AMOTL1: variants seen among roughly 807,000 people sequenced by gnomAD.
AMOTL1 encodes angiomotin like 1.
AMOTL1 carries 45 observed loss-of-function variants against 102.9 expected under a neutral mutation model. The observed-to-expected ratio is 0.44, with a 90% CI of 0.34 to 0.56. The LOEUF (loss-of-function observed/expected upper bound fraction) is 0.56. Ranked by LOEUF, AMOTL1 falls within the 20% of genes least tolerant of loss-of-function variation. The probability of loss-of-function intolerance (pLI) is 0.01; values close to 1 mark genes in which losing one functional copy is unlikely to be tolerated. For synonymous variants in AMOTL1, 481 were observed against 484.7 expected, an observed-to-expected ratio of 0.99 and a Z score of 0.10; for missense variants, 1,114 against 1,225.6, an observed-to-expected ratio of 0.91 and a Z score of 1.36.
intron 1 of AMOTL1, among the ~76,000 whole-genome samples, chr11:94,781,882 T>C (rs528724865): frequency 7.9e-5 from 12 of 152,090 alleles, no homozygotes; most frequent in Admixed American, 7.9e-4. Flanking sequence ...ATAATAATGC[T>C]AAGACATACT....
chr11:94,780,447 A>G (rs1296058986), intron 1 of AMOTL1, among the ~76,000 whole-genome samples: 1 of 152,192 alleles, frequency 6.6e-6, no homozygotes, highest in Non-Finnish European at 1.5e-5. Flanking sequence ...CCTCATCCCA[A>G]ATTCTTGGAA....
chr11:94,708,853 T>G (rs4753612), intron 1 of AMOTL1, among the ~76,000 whole-genome samples: 1 of 151,808 alleles, frequency 6.6e-6, no homozygotes, highest in Non-Finnish European at 1.5e-5. Context: ...GTACTACCAA[T>G]TGAGTACAGG....
At chr11:94,862,694 A>G (rs1952798725) in intron 9 of AMOTL1, among the ~76,000 whole-genome samples, 1 of 152,244 alleles carries the variant, frequency 6.6e-6, no homozygotes. Context: ...TTACTTGGCA[A>G]TGTAAACATG....
chr11:94,790,435 G>A (rs990497050), intron 1 of AMOTL1, among the ~76,000 whole-genome samples: 1 of 152,184 alleles, frequency 6.6e-6, no homozygotes, highest in Admixed American at 6.5e-5. Flanking sequence ...CAGGGCATGG[G>A]GGATGGTGTT....
intron 4 of AMOTL1, among the ~76,000 whole-genome samples, chr11:94,828,748 A>G (rs1293210249): frequency 6.6e-6 from 1 of 152,120 alleles, no homozygotes; most frequent in Non-Finnish European, 1.5e-5. Context: ...GGACTTTCTG[A>G]TCTGGGCAGT....
Position 94,756,067 on chromosome 11 carries a change from C to T in AMOTL1, c.136+15079C>T, listed in dbSNP as rs1950719925. The stretch of plus-strand genomic sequence containing the variant: ...AATGTGACCTTCCGCTGGAGTCAGG[C>T]TGCTCAGCAGCCAGACTCTCCTCTG... On this transcript the variant is annotated intron_variant, in intron 3 of 4. Transcript: ENST00000299004. 2.6e-5 allele frequency among the ~76,000 whole-genome samples: 4 copies of T among 151,930 alleles called. No individual in the cohort carries two copies. In the South Asian group the frequency reaches 8.3e-4, roughly 32 times the overall value.
intron 1 of AMOTL1, among the ~76,000 whole-genome samples, chr11:94,777,065 A>G (rs1375525537): frequency 6.6e-6 from 1 of 152,244 alleles, no homozygotes; most frequent in Non-Finnish European, 1.5e-5. Context: ...GCTTCTTGAA[A>G]AGAGAAATGG....
At chr11:94,735,101 G>A (rs1950418679) in intron 2 of AMOTL1, among the ~76,000 whole-genome samples, 1 of 152,170 alleles carries the variant, frequency 6.6e-6, no homozygotes, top group Admixed American at 6.5e-5. Flanking sequence ...TAACCCCTGG[G>A]GGCCCCTTGA....
chr11:94,848,108 A>G (rs1952455653), intron 6 of AMOTL1, among the ~76,000 whole-genome samples: 1 of 152,154 alleles, frequency 6.6e-6, no homozygotes, highest in Non-Finnish European at 1.5e-5. Flanking sequence ...GTCCAAACCT[A>G]GGGTTAGGTG....
Position 94,799,424 on chromosome 11 carries a change from C to A in AMOTL1, c.234C>A (p.Asn78Lys). The change falls in exon 3 of 13, where the codon AAC becomes AAA. Residue 78 changes from asparagine to lysine, a missense_variant. Coordinates refer to ENST00000433060, the MANE Select transcript of AMOTL1 (RefSeq NM_130847.3). The surrounding 1 kb of genome is among the most constrained non-coding windows in gnomAD (Gnocchi z 4.5). ...EDPLCNFHSPNFLRISEVEMR... is the reference protein window; with the variant it reads ...EDPLCNFHSPKFLRISEVEMR... ...CTCTTTGTAACTTCCACTCCCCAAA[C>A]TTCCTGAGGATCTCAGAGGTGGAAA... 6.3e-7 allele frequency: 1 copy of A among 1,591,872 alleles called. No homozygotes were observed. Among genetic ancestry groups the A allele is most frequent in the Non-Finnish European group, 8.6e-7 (1 of 1,168,244 alleles).
chr11:94,747,419 A>AG (rs921000557), intron 3 of AMOTL1, among the ~76,000 whole-genome samples: 4 of 152,196 alleles, frequency 2.6e-5, no homozygotes, highest in African/African-American at 9.7e-5. Flanking sequence ...AACTCCCCTG[A>AG]GGGCCAATAT....
At chr11:94,845,835 G>A (rs971950124) in intron 6 of AMOTL1, among the ~76,000 whole-genome samples, 1 of 152,224 alleles carries the variant, frequency 6.6e-6, no homozygotes, top group Non-Finnish European at 1.5e-5. Flanking sequence ...ACACAGTTCA[G>A]GGTAGTTCAT....
chr11:94,850,369 T>G (rs906084707), intron 7 of AMOTL1, 110 bp downstream of exon 7: 39 of 1,362,556 alleles, frequency 2.9e-5, no homozygotes, highest in Admixed American at 6.0e-5. Context: ...TTCCAAGGAG[T>G]TGAGACAGGG....
chr11:94,760,005 A>G (rs992431742), intron 3 of AMOTL1, among the ~76,000 whole-genome samples: 1 of 152,222 alleles, frequency 6.6e-6, no homozygotes. Flanking sequence ...CAGGCCTACC[A>G]AATCAGAAAC....
At chr11:94,768,978 GGC>G (rs1378510711) in intron 1 of AMOTL1, among the ~76,000 whole-genome samples, 1 of 152,130 alleles carries the variant, frequency 6.6e-6, no homozygotes, top group African/African-American at 2.4e-5. Flanking sequence ...GCGAGACAAA[GGC>G]GCGCGCACCG....
intron 3 of AMOTL1, among the ~76,000 whole-genome samples, chr11:94,753,989 C>G (rs1950690283): frequency 6.6e-6 from 1 of 152,182 alleles, no homozygotes; most frequent in South Asian, 2.1e-4. Flanking sequence ...GGCCAGTGGG[C>G]ACTGATGGGC....
intron 7 of AMOTL1, among the ~76,000 whole-genome samples, chr11:94,852,348 C>T (rs764506584): frequency 6.6e-5 from 10 of 152,244 alleles, no homozygotes; most frequent in Admixed American, 1.3e-4. Flanking sequence ...AGCAATGCTG[C>T]CTGCTGAGTC....
intron 3 of AMOTL1, among the ~76,000 whole-genome samples, chr11:94,752,172 C>G (rs1289292090): frequency 6.6e-6 from 1 of 151,982 alleles, no homozygotes; most frequent in African/African-American, 2.4e-5. Context: ...TCCTGCTCAC[C>G]CCCTCTCCTT....
intron 1 of AMOTL1, among the ~76,000 whole-genome samples, chr11:94,708,986 T>C (rs1288235881): frequency 6.6e-6 from 1 of 152,110 alleles, no homozygotes; most frequent in Non-Finnish European, 1.5e-5. Context: ...TTAAAAATCG[T>C]TGGTTGAAGT....
Sources: gnomAD v4.1 joint callset for allele counts (sites outside exome capture counted in the v4.1 genomes callset) on GRCh38, gnomAD v4.1.1 for gene constraint, Gnocchi (gnomAD v3.1) non-coding constraint, MANE v1.5 for transcripts, NCBI Gene and HGNC (gene_info 2026-07-23, HGNC 2026-07-21) for gene names.